The following CPS1 variants were observed in gnomAD, a reference collection of about 807,000 sequenced individuals.
CPS1 encodes carbamoyl-phosphate synthase [ammonia], mitochondrial.
CPS1 carries 109 observed loss-of-function variants against 174.6 expected under a neutral mutation model. That is an observed-to-expected ratio of 0.62 (90% CI 0.53 to 0.73). The LOEUF is 0.73. Among genes scored for constraint, CPS1 ranks in the 30% least tolerant of loss-of-function variants. The probability of loss-of-function intolerance (pLI) is 0.00; values close to 1 mark genes in which losing one functional copy is unlikely to be tolerated. For missense variants in CPS1, 1,689 were observed against 1,821.9 expected (o/e 0.93, Z 1.33); for synonymous variants, 637 against 632.0 (o/e 1.01, Z -0.12).
intron 1 of CPS1, among the ~76,000 whole-genome samples, chr2:210,497,918 A>ATATC (rs970136471): frequency 1.7e-4 from 24 of 142,198 alleles, no homozygotes; most frequent in African/African-American, 4.5e-4. Context: ...ATATATATAT[A>ATATC]TCTCCAGTAA....
chr2:210,622,006 TCA>T (rs1482749880), intron 21 of CPS1, among the ~76,000 whole-genome samples: 1 of 151,922 alleles, frequency 6.6e-6, no homozygotes, highest in Admixed American at 6.6e-5. Context: ...TTCCTCTACA[TCA>T]CATACTAATA....
At chr2:210,643,720 A>G (rs1700294142) in intron 25 of CPS1, among the ~76,000 whole-genome samples, 1 of 152,158 alleles carries the variant, frequency 6.6e-6, no homozygotes, top group South Asian at 2.1e-4. Context: ...ATGTATAATT[A>G]TAGTTGTCTA....
intron 1 of CPS1, among the ~76,000 whole-genome samples, chr2:210,541,870 C>G (rs1696441033): frequency 6.6e-6 from 1 of 152,036 alleles, no homozygotes; most frequent in African/African-American, 2.4e-5. Context: ...TTGTGTGAAC[C>G]AAAGGTGTGA....
At chr2:210,540,557 T>A (rs1696370019) in intron 1 of CPS1, among the ~76,000 whole-genome samples, 1 of 152,200 alleles carries the variant, frequency 6.6e-6, no homozygotes, top group Non-Finnish European at 1.5e-5. Context: ...ATACTCTTGC[T>A]ATGAGTCACT....
chr2:210,588,078 A>G lies in CPS1; in HGVS notation c.642A>G (p.Lys214=), dbSNP rs2106103827. The change falls in exon 7 of 38, where the codon AAA becomes AAG. Residue 214 remains lysine, a synonymous_variant. Coordinates refer to ENST00000233072, the MANE Select transcript of CPS1 (RefSeq NM_001875.5). The part of the protein sequence containing the change: ...VSTKDVKVYG[K]GNPTKVVAVD... Reference sequence around the variant, plus strand: ...GGCAGGATGTCAAAGTGTACGGCAAAGGAAACCCCACAAAAGTGGTAGCTG... The same window carrying G: ...GGCAGGATGTCAAAGTGTACGGCAAGGGAAACCCCACAAAAGTGGTAGCTG... The G allele has an allele frequency of 6.2e-7, 1 of 1,613,038 alleles. No individual in the cohort carries two copies. The highest frequency in any genetic ancestry group is 8.5e-7 in the Non-Finnish European group (1 of 1,179,254).
chr2:210,570,808 G>A (rs1428186576), intron 1 of CPS1, among the ~76,000 whole-genome samples: 19 of 151,726 alleles, frequency 1.3e-4, no homozygotes, highest in Non-Finnish European at 2.9e-5. Flanking sequence ...TTACTTAGAC[G>A]AGAGGTTTCA....
intron 34 of CPS1, 151 bp from the exon 35 acceptor site, chr2:210,674,751 G>T: frequency 1.4e-6 from 1 of 698,516 alleles, no homozygotes; most frequent in South Asian, 1.6e-5. Context: ...ACTCACCATA[G>T]AAGGATAAAA....
intron 1 of CPS1, among the ~76,000 whole-genome samples, chr2:210,506,216 T>G (rs1695278848): frequency 6.6e-6 from 1 of 152,096 alleles, no homozygotes; most frequent in African/African-American, 2.4e-5. Flanking sequence ...CAGCAACATT[T>G]GCTGTTCGCC....
chr2:210,648,916 C>A (rs1422361059), intron 27 of CPS1, among the ~76,000 whole-genome samples: 1 of 152,178 alleles, frequency 6.6e-6, no homozygotes, highest in Non-Finnish European at 1.5e-5. Context: ...ATTGTCAGCA[C>A]CTTCTGATAG....
intron 1 of CPS1, among the ~76,000 whole-genome samples, chr2:210,511,274 C>T (rs138138870): frequency 0.028 from 4,277 of 151,940 alleles, 188 homozygotes; most frequent in African/African-American, 0.094. Context: ...AGCAAACCAT[C>T]GCAAGGAGAA....
intron 21 of CPS1, among the ~76,000 whole-genome samples, chr2:210,634,442 A>C (rs1339663465): frequency 6.6e-6 from 1 of 152,226 alleles, no homozygotes; most frequent in African/African-American, 2.4e-5. Context: ...AAGAAAAAAA[A>C]AATGTTTCCT....
intron 16 of CPS1, among the ~76,000 whole-genome samples, chr2:210,602,643 A>C (rs938597968): frequency 6.6e-6 from 1 of 151,968 alleles, no homozygotes; most frequent in Non-Finnish European, 1.5e-5. Flanking sequence ...CCTTTGTTTC[A>C]AAATCTACTC....
intron 30 of CPS1, 38 bp from the exon 31 acceptor site, chr2:210,658,560 GC>G: frequency 6.4e-7 from 1 of 1,557,978 alleles, no homozygotes; most frequent in Non-Finnish European, 8.9e-7. Context: ...ACTAAGATAT[GC>G]TCTTTAGCAC....
rs142577999 is a variant in CPS1, at chr2:210,600,005, T to A, written c.1549+444T>A. ...ACTATTACTTCATACTTCTGCTGAG[T>A]CTACTGCTTTGTTCTCTTTAAAATT... is the stretch of plus-strand genomic sequence containing the variant. On this transcript the variant is annotated intron_variant, in intron 14 of 37. Coordinates refer to ENST00000233072, the MANE Select transcript of CPS1 (RefSeq NM_001875.5). Among the ~76,000 whole-genome samples, 109 of 152,018 alleles carry A rather than the reference T, an allele frequency of 7.2e-4. 3 individuals are homozygous for A. The East Asian group carries it at 0.015, about 21-fold the overall frequency.
In CPS1 at chr2:210,582,611, T is replaced by C; in HGVS notation, c.529-6T>C. The stretch of plus-strand genomic sequence containing the variant: ...TTTTAACTGTCTAATTTTTTTAATT[T>C]GATAGGGTACCATGCTTGGGAAGAT... On this transcript the variant is annotated splice_polypyrimidine_tract_variant and splice_region_variant and intron_variant, in intron 5 of 37. Transcript: ENST00000233072. The C allele has an allele frequency of 6.2e-7, 1 of 1,609,632 alleles. No individual in the cohort carries two copies. The highest frequency in any genetic ancestry group is 8.5e-7 in the Non-Finnish European group (1 of 1,176,100).
At chr2:210,616,367 A>G in intron 20 of CPS1, 56 bp from the exon 21 acceptor site, 1 of 1,238,306 alleles carries the variant, frequency 8.1e-7, no homozygotes, top group African/African-American at 1.5e-5. Flanking sequence ...TTTTAAACCA[A>G]ATAAGACATT....
intron 1 of CPS1, among the ~76,000 whole-genome samples, chr2:210,563,437 T>G (rs1315109298): frequency 6.6e-6 from 1 of 152,192 alleles, no homozygotes; most frequent in African/African-American, 2.4e-5. Context: ...AATATTGTCA[T>G]GTGTTTGTAA....
At chr2:210,562,331 A>T (rs925087427) in intron 1 of CPS1, among the ~76,000 whole-genome samples, 1 of 152,186 alleles carries the variant, frequency 6.6e-6, no homozygotes, top group African/African-American at 2.4e-5. Flanking sequence ...ATGTTGTAAG[A>T]TTATTAACTG....
chr2:210,601,940 G>A (rs1490647378), intron 15 of CPS1, among the ~76,000 whole-genome samples: 1 of 151,764 alleles, frequency 6.6e-6, no homozygotes, highest in Non-Finnish European at 1.5e-5. Context: ...CCATGGTTCT[G>A]TTTCAATAGG....
Sources: gnomAD v4.1 joint callset for allele counts (sites outside exome capture counted in the v4.1 genomes callset) on GRCh38, gnomAD v4.1.1 for gene constraint, MANE v1.5 for transcripts, NCBI Gene and HGNC (gene_info 2026-07-23, HGNC 2026-07-21) for gene names.